The following GRM5 variants were observed in gnomAD, a reference collection of about 807,000 sequenced individuals.
GRM5 encodes glutamate metabotropic receptor 5.
Under a neutral mutation model 83.1 loss-of-function variants are expected in GRM5, and 19 were observed. The observed-to-expected ratio is 0.23, with a 90% CI of 0.16 to 0.34. The LOEUF (loss-of-function observed/expected upper bound fraction) is 0.34. Ranked by LOEUF, GRM5 falls within the 10% of genes least tolerant of loss-of-function variation. GRM5 has a pLI of 1.00. For missense variants in GRM5, 1,160 were observed against 1,588.3 expected (o/e 0.73, Z 4.58); for synonymous variants, 675 against 633.6 (o/e 1.07, Z -0.98).
At chr11:88,536,438 C>A (rs1334287154) in intron 8 of GRM5, among the ~76,000 whole-genome samples, 1 of 152,096 alleles carries the variant, frequency 6.6e-6, no homozygotes, top group African/African-American at 2.4e-5. Context: ...AATTTTGGAG[C>A]CAGTTTTTAT....
intron 3 of GRM5, among the ~76,000 whole-genome samples, chr11:88,712,197 A>G (rs1298556853): frequency 6.6e-6 from 1 of 152,110 alleles, no homozygotes; most frequent in Non-Finnish European, 1.5e-5. Flanking sequence ...ACTGAGATTC[A>G]GTAATATATT....
At chr11:88,532,862 C>CT (rs1222465761) in intron 8 of GRM5, among the ~76,000 whole-genome samples, 4 of 152,094 alleles carry the variant, frequency 2.6e-5, no homozygotes, top group East Asian at 3.9e-4. Context: ...AAAGAACAGA[C>CT]TTTTTTGTAA....
At chr11:88,914,190 G>A (rs1945551925) in intron 2 of GRM5, among the ~76,000 whole-genome samples, 1 of 151,998 alleles carries the variant, frequency 6.6e-6, no homozygotes, top group African/African-American at 2.4e-5. Flanking sequence ...ACTGATCTAG[G>A]GTCTCCTTCC....
At chr11:88,954,820 T>C (rs1166945774) in intron 2 of GRM5, among the ~76,000 whole-genome samples, 1 of 152,290 alleles carries the variant, frequency 6.6e-6, no homozygotes. Context: ...TTAATTGTTC[T>C]AACCTTAAAG....
intron 3 of GRM5, among the ~76,000 whole-genome samples, chr11:88,806,884 T>C (rs1233614446): frequency 6.6e-6 from 1 of 152,192 alleles, no homozygotes; most frequent in Non-Finnish European, 1.5e-5. Context: ...TCTTCATTTC[T>C]TTACCCCTAA....
At position 88,509,391 on chromosome 11, in the gene GRM5, G is replaced by C. The variant is rs1941298850; in HGVS notation, c.2840C>G (p.Ala947Gly). ...INKKENPNQT[A>G]VIKPFPKSTE... ...GCTCTTGGGGAAGGGCTTGATGACG[G>C]CCGTTTGGTTGGGGTTTTCTTTCTT... The change falls in exon 10 of 10, where the codon GCC becomes GGC. Residue 947 changes from alanine (A) to glycine (G), a missense_variant. By Grantham distance (60) the Ala-to-Gly change is moderately conservative. Coordinates refer to ENST00000305447, the MANE Select transcript of GRM5 (RefSeq NM_001143831.3). 6.2e-7 allele frequency: 1 copy of C among 1,612,674 alleles called. No homozygotes were observed. The highest frequency in any genetic ancestry group is 8.5e-7 in the Non-Finnish European group (1 of 1,179,916).
At chr11:88,708,879 G>A (rs1017341969) in intron 3 of GRM5, among the ~76,000 whole-genome samples, 6 of 151,936 alleles carry the variant, frequency 3.9e-5, no homozygotes, top group Non-Finnish European at 7.4e-5. Flanking sequence ...AGCCTAATAC[G>A]AACCAGACAT....
intron 1 of GRM5, chr11:89,063,606 C>G (rs993393819): frequency 2.0e-5 from 3 of 152,356 alleles, no homozygotes; most frequent in African/African-American, 4.8e-5. Flanking sequence ...AAGATGATCT[C>G]AAGCTCATTC....
At chr11:88,661,859 G>T (rs1285819993) in intron 3 of GRM5, among the ~76,000 whole-genome samples, 1 of 151,922 alleles carries the variant, frequency 6.6e-6, no homozygotes, top group African/African-American at 2.4e-5. Flanking sequence ...TTAAATTAAG[G>T]TTCTTATGAA....
chr11:88,997,703 G>A (rs939932464), intron 2 of GRM5, among the ~76,000 whole-genome samples: 14 of 151,796 alleles, frequency 9.2e-5, no homozygotes, highest in African/African-American at 2.9e-4. Flanking sequence ...AAACTTTGAG[G>A]AAATTAATCA....
chr11:88,649,051 T>A (rs935201245), intron 4 of GRM5, among the ~76,000 whole-genome samples: 2 of 145,476 alleles, frequency 1.4e-5, no homozygotes, highest in African/African-American at 2.5e-5. Flanking sequence ...ATATACATAA[T>A]ATATAATATA....
At chr11:88,533,806 C>A (rs75837462) in intron 8 of GRM5, among the ~76,000 whole-genome samples, 2 of 152,184 alleles carry the variant, frequency 1.3e-5, no homozygotes, top group East Asian at 3.8e-4. Context: ...CAGGCAGCCC[C>A]TTCCATCACA....
chr11:88,633,304 A>C (rs1939030595), intron 4 of GRM5, among the ~76,000 whole-genome samples: 1 of 152,192 alleles, frequency 6.6e-6, no homozygotes, highest in African/African-American at 2.4e-5. Flanking sequence ...AAATTCTTCC[A>C]ATCTGTGCCT....
At chr11:88,590,934 G>T (rs1432571340) in intron 6 of GRM5, among the ~76,000 whole-genome samples, 1 of 152,108 alleles carries the variant, frequency 6.6e-6, no homozygotes, top group African/African-American at 2.4e-5. Flanking sequence ...CATAAAGTTA[G>T]CTTGTGGCAG....
chr11:88,816,331 G>T (rs1943681004), intron 3 of GRM5, among the ~76,000 whole-genome samples: 1 of 150,270 alleles, frequency 6.7e-6, no homozygotes, highest in African/African-American at 2.4e-5. Flanking sequence ...ATGAGATTAG[G>T]AATTTGAGAC....
intron 1 of GRM5, among the ~76,000 whole-genome samples, chr11:89,058,784 A>G (rs1051218989): frequency 6.6e-6 from 1 of 152,214 alleles, no homozygotes; most frequent in Non-Finnish European, 1.5e-5. Flanking sequence ...ATGTGAGGAG[A>G]GTATCCTACG....
intron 2 of GRM5, among the ~76,000 whole-genome samples, chr11:88,921,543 TG>T (rs1945693254): frequency 6.6e-6 from 1 of 151,976 alleles, no homozygotes; most frequent in Non-Finnish European, 1.5e-5. Context: ...GGCAGGAGAA[TG>T]GTGGGAACCC....
intron 2 of GRM5, among the ~76,000 whole-genome samples, chr11:89,044,700 T>C (rs189311214): frequency 1.3e-5 from 2 of 152,124 alleles, no homozygotes; most frequent in African/African-American, 4.8e-5. Context: ...ATTATAAGAA[T>C]ATGAAGATAA....
intron 3 of GRM5, among the ~76,000 whole-genome samples, chr11:88,782,918 C>T (rs929452875): frequency 3.3e-5 from 5 of 151,964 alleles, no homozygotes; most frequent in African/African-American, 1.2e-4. Context: ...TACTTTTATC[C>T]CGGCAACAAA....
Sources: allele counts gnomAD v4.1 joint callset (sites outside exome capture counted in the v4.1 genomes callset), GRCh38; gene constraint gnomAD v4.1.1; transcripts MANE v1.5; gene names NCBI Gene and HGNC (gene_info 2026-07-23, HGNC 2026-07-21).